The following MGAT4C variants were observed in gnomAD, a reference collection of about 807,000 sequenced individuals.
MGAT4C encodes alpha-1,3-mannosyl-glycoprotein 4-beta-N-acetylglucosaminyltransferase C.
In MGAT4C, 19 loss-of-function variants were observed where a neutral mutation model predicts 40.1. The observed-to-expected ratio is 0.47, with a 90% CI of 0.33 to 0.70. The LOEUF is 0.70. MGAT4C is among the 30% of genes least tolerant of loss of function. MGAT4C has a pLI of 0.02. For missense variants in MGAT4C, 491 were observed against 563.2 expected, an observed-to-expected ratio of 0.87 and a Z score of 1.30; for synonymous variants, 181 against 187.1, an observed-to-expected ratio of 0.97 and a Z score of 0.27.
chr12:86,211,493 G>A (rs191983808), intron 1 of MGAT4C, among the ~76,000 whole-genome samples: 3,158 of 150,928 alleles, frequency 0.021, 96 homozygotes, highest in African/African-American at 0.072. Flanking sequence ...AGGCTGAGGC[G>A]GGAGAATGGC....
chr12:86,476,151 G>A (rs774516281), intron 2 of MGAT4C, among the ~76,000 whole-genome samples: 11 of 151,960 alleles, frequency 7.2e-5, no homozygotes, highest in Admixed American at 1.3e-4. Flanking sequence ...TATACATTAC[G>A]TAAAAATGTA....
chr12:86,814,586 G>T (rs1393538201), intron 1 of MGAT4C, among the ~76,000 whole-genome samples: 2 of 151,678 alleles, frequency 1.3e-5, no homozygotes, highest in Admixed American at 1.3e-4. Flanking sequence ...TTCCAAAGAA[G>T]ATTACTTAGA....
intron 1 of MGAT4C, among the ~76,000 whole-genome samples, chr12:86,792,833 A>G (rs922089592): frequency 1.3e-5 from 2 of 152,298 alleles, no homozygotes; most frequent in East Asian, 3.9e-4. Flanking sequence ...CGGGAGGCTG[A>G]GGCAGGAGAA....
intron 1 of MGAT4C, among the ~76,000 whole-genome samples, chr12:86,119,552 C>T (rs1044933873): frequency 1.4e-4 from 21 of 151,586 alleles, no homozygotes; most frequent in Non-Finnish European, 2.1e-4. Context: ...GGATTACAGG[C>T]GTCCGCCACG....
intron 1 of MGAT4C, among the ~76,000 whole-genome samples, chr12:86,836,427 T>G (rs1593252601): frequency 6.6e-6 from 1 of 152,174 alleles, no homozygotes; most frequent in South Asian, 2.1e-4. Context: ...TCCTACATGT[T>G]GCTTGGAAGC....
intron 1 of MGAT4C, among the ~76,000 whole-genome samples, chr12:86,119,194 T>A (rs1878939683): frequency 6.6e-6 from 1 of 151,664 alleles, no homozygotes; most frequent in Non-Finnish European, 1.5e-5. Context: ...CCTAAAATTA[T>A]CTTCTTATTT....
intron 2 of MGAT4C, among the ~76,000 whole-genome samples, chr12:86,535,521 C>A (rs1452845328): frequency 6.6e-6 from 1 of 152,058 alleles, no homozygotes; most frequent in Non-Finnish European, 1.5e-5. Flanking sequence ...CACTCAGCTT[C>A]CCCTTCCAAT....
At position 86,312,085 on chromosome 12, in the gene MGAT4C, G is replaced by A. The variant is rs190870348; in HGVS notation, c.-57+21980C>T. ...GGGTTTTGTTTTGTTTTGTTGTTTC[G>A]CTTTTTGCACAATGTGTCCTGCATT... is the stretch of plus-strand genomic sequence containing the variant. On this transcript the variant is annotated intron_variant, in intron 4 of 7. Coordinates refer to the MGAT4C transcript ENST00000548651. Among the ~76,000 whole-genome samples the A allele has an allele frequency of 8.8e-4, 133 of 151,796 alleles. 1 individual carries two copies. Among genetic ancestry groups the A allele is most frequent in the Middle Eastern group, 3.4e-3 (1 of 294 alleles).
At chr12:86,374,382 AT>A (rs910005764) in intron 3 of MGAT4C, among the ~76,000 whole-genome samples, 2 of 152,082 alleles carry the variant, frequency 1.3e-5, no homozygotes, top group Admixed American at 1.3e-4. Flanking sequence ...AGTGACTTTT[AT>A]TTTTTGTACA....
chr12:86,191,121 ACACACACACACACC>A (rs1338835904), intron 1 of MGAT4C, among the ~76,000 whole-genome samples: 1 of 137,354 alleles, frequency 7.3e-6, no homozygotes, highest in African/African-American at 3.3e-5. Flanking sequence ...ACACACACAC[ACACACACACACACC>A]CCTATAGGGT....
intron 3 of MGAT4C, among the ~76,000 whole-genome samples, chr12:85,986,419 A>G (rs1045466280): frequency 6.6e-6 from 1 of 152,198 alleles, no homozygotes; most frequent in Non-Finnish European, 1.5e-5. Context: ...TGTCTCTTCT[A>G]CTTAGTTTGC....
chr12:86,105,635 AG>A (rs1165989110), intron 1 of MGAT4C, among the ~76,000 whole-genome samples: 1 of 152,188 alleles, frequency 6.6e-6, no homozygotes, highest in East Asian at 1.9e-4. Flanking sequence ...TATTAATGCA[AG>A]TACAAATTAA....
intron 1 of MGAT4C, among the ~76,000 whole-genome samples, chr12:86,236,519 A>G (rs1171939352): frequency 6.6e-6 from 1 of 152,034 alleles, no homozygotes; most frequent in Non-Finnish European, 1.5e-5. Context: ...TAAAGGGAGA[A>G]GTATAAATGG....
intron 2 of MGAT4C, among the ~76,000 whole-genome samples, chr12:86,023,598 ATACT>A (rs1377323170): frequency 2.2e-5 from 3 of 137,762 alleles, no homozygotes; most frequent in African/African-American, 5.3e-5. Flanking sequence ...TATTATATAA[ATACT>A]TACGTAATCA....
intron 1 of MGAT4C, among the ~76,000 whole-genome samples, chr12:86,250,074 A>G (rs975654866): frequency 7.2e-5 from 11 of 152,136 alleles, no homozygotes; most frequent in Admixed American, 2.6e-4. Flanking sequence ...TGAGCTTTAA[A>G]TAATTTGTAG....
intron 2 of MGAT4C, among the ~76,000 whole-genome samples, chr12:86,510,216 AT>A (rs201278450): frequency 0.02 from 2,999 of 152,128 alleles, 95 homozygotes; most frequent in African/African-American, 0.068. Context: ...GATAGCTCTT[AT>A]TATTTTGAGA....
intron 2 of MGAT4C, among the ~76,000 whole-genome samples, chr12:86,450,855 T>C (rs948995391): frequency 1.5e-4 from 23 of 151,876 alleles, no homozygotes; most frequent in African/African-American, 5.6e-4. Context: ...TTTTTATCCA[T>C]ATGTGTGCAC....
intron 1 of MGAT4C, among the ~76,000 whole-genome samples, chr12:86,214,038 A>T (rs545315621): frequency 8.5e-5 from 13 of 152,326 alleles, no homozygotes; most frequent in Admixed American, 3.3e-4. Context: ...TCTTTAAAGT[A>T]TACCACTCTT....
intron 1 of MGAT4C, among the ~76,000 whole-genome samples, chr12:86,147,771 T>G (rs1341649280): frequency 6.6e-6 from 1 of 152,140 alleles, no homozygotes; most frequent in Non-Finnish European, 1.5e-5. Flanking sequence ...TTTAAGGGAA[T>G]AAATCAGTAG....
Sources: gnomAD v4.1 joint callset for allele counts (sites outside exome capture counted in the v4.1 genomes callset) on GRCh38, gnomAD v4.1.1 for gene constraint, MANE v1.5 for transcripts, NCBI Gene and HGNC (gene_info 2026-07-23, HGNC 2026-07-21) for gene names.